Variants in GREB1 observed in about 807,000 individuals in gnomAD.
GREB1 encodes protein GREB1.
Under a neutral mutation model 200.7 loss-of-function variants are expected in GREB1, and 106 were observed. The observed-to-expected ratio is 0.53, with a 90% CI of 0.45 to 0.62. GREB1 has a LOEUF of 0.62. Among genes scored for constraint, GREB1 ranks in the 20% least tolerant of loss-of-function variants. The pLI, the probability that GREB1 is intolerant of heterozygous loss-of-function variation, is 0.00. For synonymous variants in GREB1, 1,132 were observed against 1,092.4 expected, an observed-to-expected ratio of 1.04 and a Z score of -0.72; for missense variants, 2,243 against 2,556.8, an observed-to-expected ratio of 0.88 and a Z score of 2.65.
chr2:11,487,808 A>G (rs904344738), intron 1 of GREB1, among the ~76,000 whole-genome samples: 3 of 152,134 alleles, frequency 2.0e-5, no homozygotes, highest in Non-Finnish European at 2.9e-5. Flanking sequence ...ACATTATATC[A>G]TTTCATGCCC....
chr2:11,533,672 T>G (rs556929742), upstream of GREB1, among the ~76,000 whole-genome samples: 11 of 152,346 alleles, frequency 7.2e-5, no homozygotes, highest in East Asian at 2.1e-3. Flanking sequence ...TCTAGCTTAG[T>G]GCAGGGAGAA....
At chr2:11,614,987 C>A in intron 19 of GREB1, 104 bp from the exon 20 acceptor site, 1 of 852,228 alleles carries the variant, frequency 1.2e-6, no homozygotes, top group Non-Finnish European at 2.0e-6. Context: ...GGGTCCTCAC[C>A]AGGAAGGTGG....
At chr2:11,525,956 C>T (rs922180871) in intron 1 of GREB1, among the ~76,000 whole-genome samples, 14 of 152,214 alleles carry the variant, frequency 9.2e-5, no homozygotes, top group South Asian at 2.1e-4. Flanking sequence ...TAACTTTGCC[C>T]GGAGAGTAAC....
Position 11,566,569 on chromosome 2 carries a change from AAGTCCCCC to A in GREB1, c.370_377del (p.Ser124ProfsTer11). On this transcript the variant is annotated frameshift_variant, in exon 4 of 33. Transcript: ENST00000381486. LOFTEE classifies it high-confidence loss of function. ...TGCGGGCTTTCTCCTCGTGGGGGTC[AAGTCCCCC>A]AGCCTGCCGGACCATCTCCTGGTGT... 6.2e-7 allele frequency: 1 copy of A among 1,613,912 alleles called. No homozygotes were observed. The highest frequency in any genetic ancestry group is 8.5e-7 in the Non-Finnish European group (1 of 1,179,894).
At chr2:11,607,422 A>ATATG (rs1223476206) in intron 17 of GREB1, among the ~76,000 whole-genome samples, 87 of 88,106 alleles carry the variant, frequency 9.9e-4, no homozygotes, top group Admixed American at 5.2e-3. Flanking sequence ...TTCATCCAGT[A>ATATG]TATGTATGTG....
chr2:11,532,055 G>A (rs1398073871), upstream of GREB1, among the ~76,000 whole-genome samples: 1 of 152,100 alleles, frequency 6.6e-6, no homozygotes, highest in African/African-American at 2.4e-5. Flanking sequence ...ATTTGAATAT[G>A]CCATATTAAA....
At chr2:11,592,484 T>C (rs944105692) in intron 10 of GREB1, among the ~76,000 whole-genome samples, 36 of 152,046 alleles carry the variant, frequency 2.4e-4, no homozygotes, top group Non-Finnish European at 5.0e-4. Flanking sequence ...TGTTTCTGGA[T>C]TGTCAAAGAG....
At chr2:11,543,004 G>C (rs1674910559) in intron 1 of GREB1, among the ~76,000 whole-genome samples, 1 of 152,152 alleles carries the variant, frequency 6.6e-6, no homozygotes. Flanking sequence ...AATCCTCTCT[G>C]TAACCTTAAG....
At chr2:11,637,685 G>A in intron 30 of GREB1, 31 bp from the exon 31 acceptor site, 1 of 1,607,622 alleles carries the variant, frequency 6.2e-7, no homozygotes, top group South Asian at 1.1e-5. Flanking sequence ...CCTCAGGGCA[G>A]TAGTGGCCTG....
At position 11,637,824 on chromosome 2, in the gene GREB1, C is replaced by G; in HGVS notation, c.5455C>G (p.Gln1819Glu). The G allele has an allele frequency of 6.2e-7, 1 of 1,614,216 alleles. No individual in the cohort carries two copies. Among genetic ancestry groups the G allele is most frequent in the Non-Finnish European group, 8.5e-7 (1 of 1,180,024 alleles). ...CCAGCTCCTGCTGGAGAAGTTCCTG[C>G]AGCACCACAGCCACCTCTTCTTCCC... ...PAQLLLEKFL[Q>E]HHSHLFFPLS... The change falls in exon 31 of 33, where the codon CAG (glutamine) becomes GAG (glutamate). Residue 1819 changes from glutamine to glutamate, a missense_variant. By Grantham distance (29) the Gln-to-Glu change is conservative. Around this residue, in one of 3 missense-constraint regions of GREB1, gnomAD observed 478 missense variants for 616.3 expected, o/e 0.78. Coordinates refer to ENST00000381486, the MANE Select transcript of GREB1 (RefSeq NM_014668.4).
At chr2:11,623,812 C>A (rs1333227284) in intron 23 of GREB1, among the ~76,000 whole-genome samples, 1 of 152,116 alleles carries the variant, frequency 6.6e-6, no homozygotes, top group African/African-American at 2.4e-5. Context: ...TCGCTTGAAC[C>A]CGGGAGGCGG....
intron 8 of GREB1, 109 bp downstream of exon 8, chr2:11,585,383 C>T (rs1173243390): frequency 7.5e-6 from 5 of 667,468 alleles, no homozygotes; most frequent in Admixed American, 3.3e-5. Context: ...TGTGAATGTG[C>T]GTGTGTACTG....
Position 11,640,155 on chromosome 2 carries a change from AG to A in GREB1, c.5687-132del. On this transcript the variant is annotated intron_variant, in intron 32 of 32. Transcript: ENST00000381486. The surrounding 1 kb of genome is among the most constrained non-coding windows in gnomAD (Gnocchi z 4.6). ...ATTGTACATCATCCCGAAAGAAGCA[AG>A]GGGCCGACTTGGATGCCGCTTCTGC... 1 of 723,692 alleles carries A rather than the reference AG, an allele frequency of 1.4e-6. No individual in the cohort carries two copies. The highest frequency in any genetic ancestry group is 2.2e-6 in the Non-Finnish European group (1 of 447,244). The allele number at this position is 723,692 out of a possible 1,614,324, so 44.8% of individuals were successfully genotyped here. A position where few individuals can be genotyped will look rare whatever the true frequency, so the allele number is the denominator to read the frequency against.
chr2:11,496,432 A>G (rs917616114), intron 1 of GREB1, among the ~76,000 whole-genome samples: 1 of 152,088 alleles, frequency 6.6e-6, no homozygotes, highest in Non-Finnish European at 1.5e-5. Context: ...CCCCATTAAT[A>G]TTGTATAAAG....
intron 17 of GREB1, among the ~76,000 whole-genome samples, chr2:11,605,603 C>T (rs1318907793): frequency 6.6e-6 from 1 of 152,164 alleles, no homozygotes; most frequent in African/African-American, 2.4e-5. Context: ...ACAGTTTTCT[C>T]CTGGCCCTTT....
intron 1 of GREB1, among the ~76,000 whole-genome samples, chr2:11,508,684 C>T (rs79879600): frequency 0.02 from 2,984 of 152,242 alleles, 116 homozygotes; most frequent in African/African-American, 0.069. Flanking sequence ...TTAAAGCCAA[C>T]ATAAACTTTA....
intron 17 of GREB1, among the ~76,000 whole-genome samples, chr2:11,609,734 C>T (rs570576015): frequency 6.6e-6 from 1 of 152,266 alleles, no homozygotes; most frequent in African/African-American, 2.4e-5. Context: ...GAAGAAGGAG[C>T]AGGGATGTCA....
At chr2:11,545,165 A>G (rs745395528) in intron 1 of GREB1, among the ~76,000 whole-genome samples, 7 of 151,706 alleles carry the variant, frequency 4.6e-5, no homozygotes, top group Non-Finnish European at 1.0e-4. Context: ...AGATGAGGCT[A>G]AAAAATGTGT....
intron 3 of GREB1, among the ~76,000 whole-genome samples, chr2:11,563,695 T>C (rs1178779058): frequency 6.6e-6 from 1 of 152,230 alleles, no homozygotes; most frequent in African/African-American, 2.4e-5. Context: ...CATATGACAC[T>C]ATGGTACCCC....
Sources: allele counts gnomAD v4.1 joint callset (sites outside exome capture counted in the v4.1 genomes callset), GRCh38; gene constraint gnomAD v4.1.1; regional missense constraint gnomAD v4.1.1; non-coding constraint Gnocchi (gnomAD v3.1); transcripts MANE v1.5; gene names NCBI Gene and HGNC (gene_info 2026-07-23, HGNC 2026-07-21).